Variants in ADAMTS9 observed in about 807,000 individuals in gnomAD.
ADAMTS9 encodes the protein ADAM metallopeptidase with thrombospondin type 1 motif 9.
Under a neutral mutation model 257.1 loss-of-function variants are expected in ADAMTS9, and 107 were observed. That is an observed-to-expected ratio of 0.42 (90% CI 0.36 to 0.49). The LOEUF is 0.49. ADAMTS9 is among the 20% of genes least tolerant of loss of function. The pLI, the probability that ADAMTS9 is intolerant of heterozygous loss-of-function variation, is 0.03. For synonymous variants in ADAMTS9, 982 were observed against 880.9 expected, an observed-to-expected ratio of 1.11 and a Z score of -2.03; for missense variants, 2,353 against 2,469.1, an observed-to-expected ratio of 0.95 and a Z score of 1.00.
At chr3:64,665,643 T>C (rs1288640479) in intron 3 of ADAMTS9, among the ~76,000 whole-genome samples, 1 of 152,214 alleles carries the variant, frequency 6.6e-6, no homozygotes, top group East Asian at 1.9e-4. Flanking sequence ...ACATTAACAA[T>C]TTCAAAGCCA....
At chr3:64,635,151 G>T (rs771864999) in intron 12 of ADAMTS9, among the ~76,000 whole-genome samples, 39 of 152,176 alleles carry the variant, frequency 2.6e-4, no homozygotes, top group Non-Finnish European at 5.0e-4. Flanking sequence ...CACCGAGGCA[G>T]GACTCAGTGC....
rs1292925858 is a variant in ADAMTS9 at position 64,686,402 on chromosome 3, G to T, written c.516+166C>A. On this transcript the variant is annotated intron_variant, in intron 2 of 39. Transcript: ENST00000498707. This position sits in a 1 kb window ranked among gnomAD's most constrained non-coding sequence, Gnocchi z 4.6. ...GCGCTCCACGCCAGTGTACTCGCAC[G>T]CACAGAGCTAGCTACCCAAACCATA... Among the ~76,000 whole-genome samples the T allele has an allele frequency of 1.3e-5, 2 of 152,260 alleles. No homozygotes were observed. The highest frequency in any genetic ancestry group is 2.1e-4 in the South Asian group (1 of 4,836).
intron 32 of ADAMTS9, among the ~76,000 whole-genome samples, chr3:64,543,956 C>T (rs148582019): frequency 3.9e-5 from 6 of 152,190 alleles, no homozygotes; most frequent in Admixed American, 1.3e-4. Context: ...AAATCACAAG[C>T]ATTCTTATAC....
chr3:64,522,297 G>A lies in ADAMTS9; in HGVS notation c.5719-37C>T, dbSNP rs1213751576. 4 of 1,592,814 alleles carry A rather than the reference G, an allele frequency of 2.5e-6. No homozygotes were observed. In the South Asian group the frequency reaches 4.4e-5, roughly 18 times the overall value. On this transcript the variant is annotated intron_variant, in intron 38 of 39. Coordinates refer to ENST00000498707, the MANE Select transcript of ADAMTS9 (RefSeq NM_182920.2). ...TGCATCATGTTAGCCTGCCTGCTTG[G>A]TTAATGCTTTCAGGGCCTGCACTGG... is the stretch of plus-strand genomic sequence containing the variant.
At chr3:64,596,425 G>T (rs1452475874) in intron 27 of ADAMTS9, among the ~76,000 whole-genome samples, 1 of 152,146 alleles carries the variant, frequency 6.6e-6, no homozygotes, top group Non-Finnish European at 1.5e-5. Context: ...CTTCATTAGT[G>T]ACTTGGAATG....
At chr3:64,525,317 G>T (rs565814791) in intron 38 of ADAMTS9, among the ~76,000 whole-genome samples, 2 of 152,138 alleles carry the variant, frequency 1.3e-5, no homozygotes, top group South Asian at 2.1e-4. Flanking sequence ...TTTAATTATG[G>T]CCTCATATTC....
intron 8 of ADAMTS9, among the ~76,000 whole-genome samples, chr3:64,651,802 T>C (rs1289320506): frequency 1.3e-5 from 2 of 152,202 alleles, no homozygotes; most frequent in Admixed American, 6.5e-5. Context: ...AATAGTTTCA[T>C]GCTTCATGCC....
intron 16 of ADAMTS9, among the ~76,000 whole-genome samples, chr3:64,630,570 C>T (rs565963676): frequency 7.0e-4 from 107 of 152,208 alleles, no homozygotes; most frequent in African/African-American, 2.5e-3. Context: ...GAGTGAGACC[C>T]TGTCCCAAAA....
chr3:64,551,371 G>C (rs1257856082), intron 30 of ADAMTS9, among the ~76,000 whole-genome samples: 1 of 152,006 alleles, frequency 6.6e-6, no homozygotes. Flanking sequence ...CACCACGCCA[G>C]GCTAATTTTT....
At chr3:64,679,835 G>A (rs552333784) in intron 3 of ADAMTS9, among the ~76,000 whole-genome samples, 2 of 152,202 alleles carry the variant, frequency 1.3e-5, no homozygotes, top group African/African-American at 2.4e-5. Context: ...TGTGATAAAT[G>A]TCCTGTCCAT....
chr3:64,527,369 G>GAAAAAAT (rs2082923284), intron 38 of ADAMTS9, among the ~76,000 whole-genome samples: 2 of 151,950 alleles, frequency 1.3e-5, no homozygotes, highest in African/African-American at 4.8e-5. Context: ...AAGGCAGATT[G>GAAAAAAT]GCTTCTTTGA....
At chr3:64,596,665 A>C (rs2084369683) in intron 27 of ADAMTS9, among the ~76,000 whole-genome samples, 165 bp downstream of exon 27, 1 of 152,208 alleles carries the variant, frequency 6.6e-6, no homozygotes, top group Admixed American at 6.5e-5. Flanking sequence ...TAATAGGAAC[A>C]CTTTAAAATA....
chr3:64,570,357 G>A (rs2083649375), intron 28 of ADAMTS9, among the ~76,000 whole-genome samples: 1 of 152,180 alleles, frequency 6.6e-6, no homozygotes, highest in South Asian at 2.1e-4. Context: ...ATGGTTGGAA[G>A]AGGGCTCACT....
At chr3:64,618,483 T>C (rs1700022058) in intron 19 of ADAMTS9, among the ~76,000 whole-genome samples, 1 of 152,212 alleles carries the variant, frequency 6.6e-6, no homozygotes, top group South Asian at 2.1e-4. Flanking sequence ...ATTGTGACAT[T>C]ATTTTTAATA....
At chr3:64,636,999 C>G (rs1020664051) in intron 12 of ADAMTS9, among the ~76,000 whole-genome samples, 2 of 152,314 alleles carry the variant, frequency 1.3e-5, no homozygotes, top group Middle Eastern at 3.4e-3. Flanking sequence ...GACCTGGCCT[C>G]TCTTCCAGGC....
chr3:64,648,126 A>G, intron 10 of ADAMTS9, 82 bp from the exon 11 acceptor site: 1 of 1,259,342 alleles, frequency 7.9e-7, no homozygotes, highest in East Asian at 2.4e-5. Flanking sequence ...GCTTTCAACT[A>G]ATGTTTCACC....
chr3:64,547,929 T>C (rs2083224241), intron 31 of ADAMTS9, among the ~76,000 whole-genome samples: 2 of 152,208 alleles, frequency 1.3e-5, no homozygotes, highest in Admixed American at 1.3e-4. Flanking sequence ...ATGATATTTT[T>C]AGGCAACAGC....
At chr3:64,562,352 G>T (rs1297040787) in intron 29 of ADAMTS9, among the ~76,000 whole-genome samples, 1 of 152,154 alleles carries the variant, frequency 6.6e-6, no homozygotes, top group Non-Finnish European at 1.5e-5. Flanking sequence ...AATATATGAA[G>T]AATAAAAGCT....
chr3:64,612,656 T>C (rs902695124), intron 22 of ADAMTS9, among the ~76,000 whole-genome samples: 2 of 152,186 alleles, frequency 1.3e-5, no homozygotes, highest in Admixed American at 1.3e-4. Flanking sequence ...GTTCTACTTC[T>C]AATGGGAACT....
Sources: allele counts gnomAD v4.1 joint callset (sites outside exome capture counted in the v4.1 genomes callset), GRCh38; gene constraint gnomAD v4.1.1; non-coding constraint Gnocchi (gnomAD v3.1); transcripts MANE v1.5; gene names NCBI Gene and HGNC (gene_info 2026-07-23, HGNC 2026-07-21).